The following SINHCAF variants were observed in gnomAD, a reference collection of about 807,000 sequenced individuals.
The protein encoded by SINHCAF is SIN3-HDAC complex-associated factor.
In SINHCAF, 3 loss-of-function variants were observed where a neutral mutation model predicts 25.8. That is an observed-to-expected ratio of 0.12 (90% CI 0.05 to 0.30). The LOEUF (loss-of-function observed/expected upper bound fraction) is 0.30, where lower values mean the gene tolerates loss of function less well. Among genes scored for constraint, SINHCAF ranks in the 10% least tolerant of loss-of-function variants. The probability of loss-of-function intolerance (pLI) is 1.00; values close to 1 mark genes in which losing one functional copy is unlikely to be tolerated. For missense variants in SINHCAF, 121 were observed against 262.3 expected, an observed-to-expected ratio of 0.46 and a Z score of 3.72; for synonymous variants, 70 against 85.5, an observed-to-expected ratio of 0.82 and a Z score of 1.00.
chr12:31,314,503 G>A (rs1054762304), intron 1 of SINHCAF, among the ~76,000 whole-genome samples: 1 of 152,100 alleles, frequency 6.6e-6, no homozygotes, highest in Admixed American at 6.5e-5. Flanking sequence ...TCCAGCCTGG[G>A]CAACAGAGCG....
At chr12:31,291,378 T>TA (rs1938308481) in intron 4 of SINHCAF, among the ~76,000 whole-genome samples, 1 of 152,246 alleles carries the variant, frequency 6.6e-6, no homozygotes, top group Non-Finnish European at 1.5e-5. Flanking sequence ...ACTCCAGAGT[T>TA]ACACATTTGC....
chr12:31,287,593 A>G, intron 5 of SINHCAF, 41 bp downstream of exon 5: 6 of 1,481,870 alleles, frequency 4.0e-6, no homozygotes, highest in Non-Finnish European at 5.5e-6. Context: ...GCCCATAATT[A>G]AGATGGTTTG....
intron 1 of SINHCAF, among the ~76,000 whole-genome samples, chr12:31,305,351 T>C (rs551070193): frequency 2.6e-5 from 4 of 152,210 alleles, no homozygotes; most frequent in Non-Finnish European, 5.9e-5. Context: ...TGGCTTTTCA[T>C]GAGCTGGTGA....
At chr12:31,323,667 CA>C (rs1029827665) in intron 1 of SINHCAF, among the ~76,000 whole-genome samples, 2 of 152,154 alleles carry the variant, frequency 1.3e-5, no homozygotes, top group Admixed American at 6.5e-5. Context: ...CCCCCTACAC[CA>C]AAACAAACCT....
intron 1 of SINHCAF, among the ~76,000 whole-genome samples, chr12:31,321,952 A>G (rs1592995054): frequency 6.6e-6 from 1 of 152,062 alleles, no homozygotes; most frequent in African/African-American, 2.4e-5. Context: ...TTTGAGCCCT[A>G]TGAGTCAGGA....
At position 31,310,410 on chromosome 12, in the gene SINHCAF, G is replaced by T. The variant is rs565920751; in HGVS notation, c.-20-12186C>A. On this transcript the variant is annotated intron_variant, in intron 1 of 5. Transcript: ENST00000337682. ...ATGAAAACCCCCTATTTCCTCAGAG[G>T]AGTCCTAGTTTTCCAGTTTATCATC... Among the ~76,000 whole-genome samples the T allele has an allele frequency of 1.8e-3, 280 of 152,168 alleles. 4 individuals carry two copies. The highest frequency in any genetic ancestry group is 2.5e-3 in the Non-Finnish European group (171 of 68,032).
rs1937775560 is a variant in SINHCAF at position 31,281,198 on chromosome 12, A to C, written c.*1514T>G. 1 of 152,184 alleles carries C rather than the reference A, an allele frequency of 6.6e-6. No individual in the cohort carries two copies. Among genetic ancestry groups the C allele is most frequent in the South Asian group, 2.1e-4 (1 of 4,828 alleles). 9.4% of individuals were successfully genotyped at this position (152,184 alleles called of 1,614,324 possible). A position where few individuals can be genotyped will look rare whatever the true frequency, so the allele number is the denominator to read the frequency against. On this transcript the variant is annotated 3_prime_UTR_variant, in exon 6 of 6. Coordinates refer to ENST00000337682, the MANE Select transcript of SINHCAF (RefSeq NM_001135812.2). Reference sequence around the variant, plus strand: ...ACTGAACTGGCAATGCTTTTCCTGAACATTTAGAAAAGAGGCAGTAAGAGT... The same window carrying C: ...ACTGAACTGGCAATGCTTTTCCTGACCATTTAGAAAAGAGGCAGTAAGAGT...
intron 2 of SINHCAF, among the ~76,000 whole-genome samples, chr12:31,295,798 G>A (rs1938521839): frequency 1.3e-5 from 2 of 151,986 alleles, no homozygotes; most frequent in South Asian, 4.2e-4. Flanking sequence ...CTTGAGCCCA[G>A]GAAGCAGAGG....
At chr12:31,310,622 G>C (rs1474582526) in intron 1 of SINHCAF, among the ~76,000 whole-genome samples, 3 of 152,128 alleles carry the variant, frequency 2.0e-5, no homozygotes, top group African/African-American at 7.2e-5. Context: ...CAGGACAACT[G>C]GTCAGCCAGT....
chr12:31,317,531 T>C (rs1016738774), intron 1 of SINHCAF, among the ~76,000 whole-genome samples: 3 of 152,158 alleles, frequency 2.0e-5, no homozygotes, highest in African/African-American at 7.2e-5. Context: ...CTTTTTAAAT[T>C]GGTTCTTAAA....
intron 1 of SINHCAF, chr12:31,323,997 G>A (rs952227903): frequency 6.6e-6 from 3 of 455,532 alleles, no homozygotes; most frequent in Admixed American, 4.7e-5. Context: ...CGAGAGAGAC[G>A]CCGAGCCAGC....
At position 31,282,070 on chromosome 12, in the gene SINHCAF, G is replaced by T. The variant is rs1270107845; in HGVS notation, c.*642C>A. The T allele has an allele frequency of 6.6e-6, 1 of 152,482 alleles. No homozygotes were observed. Among genetic ancestry groups the T allele is most frequent in the Non-Finnish European group, 1.5e-5 (1 of 68,000 alleles). The allele number at this position is 152,482 out of a possible 1,614,324, so 9.4% of individuals were successfully genotyped here. ...ATTATCATGAGGGAAAACAAGAGTA[G>T]CCAGCCATCTTAAAAATGCCCCAAC... On this transcript the variant is annotated 3_prime_UTR_variant, in exon 6 of 6. Transcript: ENST00000337682.
In SINHCAF at chr12:31,281,420, G is replaced by T. The variant is rs1460314824; in HGVS notation, c.*1292C>A. 6.6e-6 allele frequency: 1 copy of T among 152,098 alleles called. No individual in the cohort carries two copies. The highest frequency in any genetic ancestry group is 1.5e-5 in the Non-Finnish European group (1 of 68,014). 9.4% of individuals were successfully genotyped at this position (152,098 alleles called of 1,614,324 possible). ...GTGAAAGAAAATAAAAATTTAATAGGCTAAAACAAGTCAAACACCCATTCT... is the reference window on the plus strand; with the variant it reads ...GTGAAAGAAAATAAAAATTTAATAGTCTAAAACAAGTCAAACACCCATTCT... On this transcript the variant is annotated 3_prime_UTR_variant, in exon 6 of 6. Transcript: ENST00000337682.
chr12:31,305,471 G>C (rs1938984767), intron 1 of SINHCAF, among the ~76,000 whole-genome samples: 1 of 152,128 alleles, frequency 6.6e-6, no homozygotes, highest in Non-Finnish European at 1.5e-5. Flanking sequence ...GAAGAGAGCT[G>C]ATAAAGGGAT....
intron 5 of SINHCAF, among the ~76,000 whole-genome samples, chr12:31,285,224 C>T (rs945519486): frequency 5.3e-5 from 8 of 151,914 alleles, no homozygotes; most frequent in African/African-American, 1.9e-4. Flanking sequence ...CCAATCTCTA[C>T]TAAAAATACA....
intron 1 of SINHCAF, chr12:31,304,954 C>T (rs1265944083): frequency 1.3e-5 from 2 of 152,204 alleles, no homozygotes; most frequent in African/African-American, 4.8e-5. Flanking sequence ...ATATAATACT[C>T]TAAGAATGTT....
chr12:31,312,593 C>G (rs557417305), intron 1 of SINHCAF, among the ~76,000 whole-genome samples: 1 of 152,182 alleles, frequency 6.6e-6, no homozygotes, highest in Admixed American at 6.5e-5. Flanking sequence ...AAGCATTTCC[C>G]TGATTCCAAA....
intron 1 of SINHCAF, chr12:31,298,427 G>C: frequency 3.8e-6 from 2 of 530,954 alleles, no homozygotes; most frequent in Non-Finnish European, 6.8e-6. Context: ...GAAAAGCCTA[G>C]TTATTTAAGG....
intron 1 of SINHCAF, among the ~76,000 whole-genome samples, chr12:31,300,780 T>C (rs965709840): frequency 1.3e-5 from 2 of 152,164 alleles, no homozygotes; most frequent in Non-Finnish European, 2.9e-5. Flanking sequence ...CACACCACCC[T>C]GCGCTCTTCT....
Sources: allele counts gnomAD v4.1 joint callset (sites outside exome capture counted in the v4.1 genomes callset), GRCh38; gene constraint gnomAD v4.1.1; transcripts MANE v1.5; gene names NCBI Gene and HGNC (gene_info 2026-07-23, HGNC 2026-07-21).